Variants in CDH23 observed in about 807,000 individuals in gnomAD.
CDH23 encodes the protein cadherin-23.
In CDH23, 189 loss-of-function variants were observed where a neutral mutation model predicts 317.1. The ratio of observed to expected loss-of-function variants is 0.60; its 90% confidence interval spans 0.53 to 0.67. The LOEUF (loss-of-function observed/expected upper bound fraction) is 0.67. Ranked by LOEUF, CDH23 falls within the 30% of genes least tolerant of loss-of-function variation. The pLI is 0.00. For missense variants in CDH23, 4,401 were observed against 4,592.4 expected (o/e 0.96, Z 1.20); for synonymous variants, 1,839 against 1,876.8 (o/e 0.98, Z 0.52).
chr10:71,413,258 T>G (rs996807300), intron 1 of CDH23, among the ~76,000 whole-genome samples: 2 of 152,248 alleles, frequency 1.3e-5, no homozygotes, highest in Non-Finnish European at 2.9e-5. Context: ...TGAATGATCT[T>G]AGCACCCTTG....
At chr10:71,641,005 C>CT (rs917239822) in intron 11 of CDH23, among the ~76,000 whole-genome samples, 1 of 152,184 alleles carries the variant, frequency 6.6e-6, no homozygotes, top group Admixed American at 6.5e-5. Context: ...CACCCCCTCC[C>CT]TCAGTCTGGT....
intron 30 of CDH23, among the ~76,000 whole-genome samples, chr10:71,726,848 G>A (rs1866834354): frequency 3.9e-5 from 6 of 152,192 alleles, no homozygotes; most frequent in Admixed American, 3.9e-4. Context: ...ACCCAGGCGT[G>A]GTGGGCTCCT....
Position 71,791,271 on chromosome 10 carries a change from T to C in CDH23, c.6189T>C (p.Asn2063=). 1 of 1,613,888 alleles carries C rather than the reference T, an allele frequency of 6.2e-7. No individual in the cohort carries two copies. Among genetic ancestry groups the C allele is most frequent in the Non-Finnish European group, 8.5e-7 (1 of 1,179,868 alleles). Residue 2063 remains asparagine (N), a synonymous_variant, in exon 47 of 70, where the codon AAT becomes AAC. Transcript: ENST00000224721. ...TGCTCATCACCATCCTGGATGACAA[T>C]GACAACCGGCCCACCTTTAGCCCTG... ...AHLLITILDD[N]DNRPTFSPAT...
At chr10:71,633,604 T>C (rs1410266083) in intron 11 of CDH23, among the ~76,000 whole-genome samples, 1 of 152,146 alleles carries the variant, frequency 6.6e-6, no homozygotes, top group Non-Finnish European at 1.5e-5. Flanking sequence ...ATGTCTTTGT[T>C]CACTGGGAAG....
chr10:71,583,659 C>T (rs940342648), intron 9 of CDH23, among the ~76,000 whole-genome samples: 1 of 152,148 alleles, frequency 6.6e-6, no homozygotes, highest in Non-Finnish European at 1.5e-5. Flanking sequence ...TTCTTGCCGC[C>T]CACATCCGTT....
rs1174206523 is a variant in CDH23 at position 71,599,990 on chromosome 10, C to CTTT, written c.833-15490_833-15488dup. Among the ~76,000 whole-genome samples the CTTT allele has an allele frequency of 6.1e-4, 67 of 109,542 alleles. 3 individuals carry two copies. The highest frequency in any genetic ancestry group is 2.0e-3 in the African/African-American group (53 of 26,710). The allele number at this position is 109,542 out of a possible 152,430, so 71.9% of individuals were successfully genotyped here. A position where few individuals can be genotyped will look rare whatever the true frequency, so the allele number is the denominator to read the frequency against. On this transcript the variant is annotated intron_variant, in intron 9 of 69. Transcript: ENST00000224721. ...CCCATTTACACCTTCAATGTCTTTC[C>CTTT]TTTTTTTTTTTTTTTTTTTTTTTTT...
intron 1 of CDH23, among the ~76,000 whole-genome samples, chr10:71,427,021 C>T (rs1220151738): frequency 4.6e-5 from 7 of 151,594 alleles, no homozygotes; most frequent in Non-Finnish European, 8.8e-5. Context: ...CATAGTGGCA[C>T]GCTCCTGTAG....
intron 11 of CDH23, among the ~76,000 whole-genome samples, chr10:71,629,374 G>C (rs928966799): frequency 6.6e-6 from 1 of 152,202 alleles, no homozygotes; most frequent in South Asian, 2.1e-4. Flanking sequence ...CCCAGGCTCT[G>C]TGGATATCTG....
At chr10:71,713,367 TG>T in intron 28 of CDH23, 1 of 747,008 alleles carries the variant, frequency 1.3e-6, no homozygotes. Context: ...CCTCAGTTGC[TG>T]GGTGGGGAGG....
chr10:71,765,760 A>G (rs573701329), intron 38 of CDH23, among the ~76,000 whole-genome samples: 3 of 152,002 alleles, frequency 2.0e-5, no homozygotes, highest in Non-Finnish European at 2.9e-5. Context: ...CACAGGTCCC[A>G]AAGGAGTTGT....
chr10:71,578,793 G>C (rs1321232982), intron 9 of CDH23, among the ~76,000 whole-genome samples: 1 of 152,164 alleles, frequency 6.6e-6, no homozygotes, highest in Admixed American at 6.5e-5. Flanking sequence ...GTGTATCTGG[G>C]CAGGCCAGGT....
intron 3 of CDH23, among the ~76,000 whole-genome samples, chr10:71,456,601 G>A (rs1850710059): frequency 6.6e-6 from 1 of 152,216 alleles, no homozygotes; most frequent in Admixed American, 6.5e-5. Flanking sequence ...TGTGCCACCT[G>A]TCGTGTGAGC....
rs1017526280 is a variant in CDH23, at chr10:71,468,266, T to C, written c.145+21871T>C. Among the ~76,000 whole-genome samples, 217 of 152,312 alleles carry C rather than the reference T, an allele frequency of 1.4e-3. 4 individuals carry two copies. The highest frequency in any genetic ancestry group is 2.5e-4 in the Non-Finnish European group (17 of 68,022). On this transcript the variant is annotated intron_variant, in intron 3 of 69. Coordinates refer to ENST00000224721, the MANE Select transcript of CDH23 (RefSeq NM_022124.6). ...CTGTGGGGCCCTTAAGCCAAATCCTTAACACTTGGACTTGAGCCTGGGTAA... is the reference window on the plus strand; with the variant it reads ...CTGTGGGGCCCTTAAGCCAAATCCTCAACACTTGGACTTGAGCCTGGGTAA...
At chr10:71,711,268 G>A (rs114618371) in intron 27 of CDH23, among the ~76,000 whole-genome samples, 19 of 152,252 alleles carry the variant, frequency 1.2e-4, no homozygotes, top group African/African-American at 4.6e-4. Flanking sequence ...CCCAGCCAGA[G>A]CAATAAGCCA....
chr10:71,798,639 C>A, intron 50 of CDH23, 61 bp downstream of exon 50: 1 of 1,305,894 alleles, frequency 7.7e-7, no homozygotes, highest in Non-Finnish European at 1.1e-6. Flanking sequence ...GCTTAGTCCC[C>A]AAGAGAGACC....
At chr10:71,537,978 A>G (rs1855793049) in intron 6 of CDH23, among the ~76,000 whole-genome samples, 1 of 152,206 alleles carries the variant, frequency 6.6e-6, no homozygotes, top group Admixed American at 6.5e-5. Flanking sequence ...GGAGCCCTGC[A>G]CAGAGTAAAG....
chr10:71,619,996 G>C (rs187529848), intron 11 of CDH23, among the ~76,000 whole-genome samples: 4 of 152,344 alleles, frequency 2.6e-5, no homozygotes, highest in Non-Finnish European at 5.9e-5. Context: ...TTATATTGCA[G>C]TAACAAGTTA....
rs193025297 is a variant in CDH23 at position 71,400,663 on chromosome 10, G to A, written c.-6+3345G>A. Among the ~76,000 whole-genome samples, 137 of 152,232 alleles carry A rather than the reference G, an allele frequency of 9.0e-4. 1 individual carries two copies. The highest frequency in any genetic ancestry group is 2.6e-3 in the Admixed American group (40 of 15,298). ...AAAATACAAAAATTACCCAGACGTG[G>A]TGGTGGGCACCTGTAATCCCAGCTA... On this transcript the variant is annotated intron_variant, in intron 1 of 69. Coordinates refer to ENST00000224721, the MANE Select transcript of CDH23 (RefSeq NM_022124.6).
In CDH23 at chr10:71,792,820, TAAAAAAAAAAA is replaced by T. The variant is rs1158593304; in HGVS notation, c.6254-339_6254-329del. On this transcript the variant is annotated intron_variant, in intron 47 of 69. Coordinates refer to ENST00000224721, the MANE Select transcript of CDH23 (RefSeq NM_022124.6). ...CTAGGTGACAGTGTAAGACTCCATC[TAAAAAAAAAAA>T]AAAAAAAAAAAAAAAAAAAAAATAT... Among the ~76,000 whole-genome samples, 362 of 47,702 alleles carry T rather than the reference TAAAAAAAAAAA, an allele frequency of 7.6e-3. 3 individuals are homozygous for T. Among genetic ancestry groups the T allele is most frequent in the African/African-American group, 0.029 (342 of 11,836 alleles). 31.3% of individuals were successfully genotyped at this position (47,702 alleles called of 152,430 possible).
Sources: gnomAD v4.1 joint callset for allele counts (sites outside exome capture counted in the v4.1 genomes callset) on GRCh38, gnomAD v4.1.1 for gene constraint, MANE v1.5 for transcripts, NCBI Gene and HGNC (gene_info 2026-07-23, HGNC 2026-07-21) for gene names.